The following ANO4 variants were observed in gnomAD, a reference collection of about 807,000 sequenced individuals.
The protein encoded by ANO4 is anoctamin 4, also known as anoctamin-4.
Under a neutral mutation model 141.9 loss-of-function variants are expected in ANO4, and 69 were observed. That is an observed-to-expected ratio of 0.49 (90% CI 0.40 to 0.59). ANO4 has a LOEUF of 0.59. ANO4 is among the 20% of genes least tolerant of loss of function. The pLI is 0.00. For missense variants in ANO4, 894 were observed against 1,162.2 expected (o/e 0.77, Z 3.36); for synonymous variants, 350 against 394.3 (o/e 0.89, Z 1.33).
Position 101,070,306 on chromosome 12 carries a change from C to A in ANO4, c.1313-8887C>A, listed in dbSNP as rs536895291. ...AGTAACCAAAAAGGCCAAGTACTAGCATAAAAAAACAGACATATAGACCAA... is the reference window on the plus strand; with the variant it reads ...AGTAACCAAAAAGGCCAAGTACTAGAATAAAAAAACAGACATATAGACCAA... On this transcript the variant is annotated intron_variant, in intron 14 of 27. Coordinates refer to ENST00000392977, the MANE Select transcript of ANO4 (RefSeq NM_001286615.2). Among the ~76,000 whole-genome samples the A allele has an allele frequency of 1.9e-4, 29 of 152,048 alleles. No individual in the cohort carries two copies. The South Asian group carries it at 5.6e-3, about 29-fold the overall frequency.
chr12:100,806,523 C>CTTTTTTTTTTTTTT lies in ANO4; in HGVS notation c.-141+11496_-141+11497insTTTTTTTTTTTTTT, dbSNP rs1593379234. On this transcript the variant is annotated intron_variant, in intron 1 of 27. Transcript: ENST00000392977. ...TTTTTAGGAGGTTTTTTTTTTGTTT[C>CTTTTTTTTTTTTTT]GTTTTTTTTTTTTTTTTTTTTTTTT... is the stretch of plus-strand genomic sequence containing the variant. Among the ~76,000 whole-genome samples, 227 of 44,968 alleles carry CTTTTTTTTTTTTTT rather than the reference C, an allele frequency of 5.0e-3. 66 individuals carry two copies. The highest frequency in any genetic ancestry group is 6.7e-3 in the South Asian group (7 of 1,050). The allele number at this position is 44,968 out of a possible 152,430, so 29.5% of individuals were successfully genotyped here.
intron 1 of ANO4, among the ~76,000 whole-genome samples, chr12:100,805,975 G>T (rs112741202): frequency 1.7e-4 from 26 of 152,218 alleles, no homozygotes; most frequent in African/African-American, 5.8e-4. Flanking sequence ...ATGAGAAAAG[G>T]AGCAACCTAA....
At chr12:100,817,123 A>G (rs767594969) in intron 1 of ANO4, among the ~76,000 whole-genome samples, 1 of 151,894 alleles carries the variant, frequency 6.6e-6, no homozygotes, top group Non-Finnish European at 1.5e-5. Context: ...AATGAGCAAT[A>G]TGATTAGGCA....
intron 3 of ANO4, among the ~76,000 whole-genome samples, chr12:100,765,972 T>G (rs1031368109): frequency 7.2e-5 from 11 of 152,082 alleles, no homozygotes; most frequent in African/African-American, 2.7e-4. Context: ...ATCTCCAAAA[T>G]TTATTCATCC....
intron 3 of ANO4, among the ~76,000 whole-genome samples, chr12:100,766,483 G>T (rs776978404): frequency 1.5e-4 from 23 of 151,880 alleles, no homozygotes; most frequent in Non-Finnish European, 2.8e-4. Flanking sequence ...TTTCCCTTTT[G>T]ATTTCTTCTT....
At position 100,987,559 on chromosome 12, in the gene ANO4, G is replaced by T. The variant is rs755195189; in HGVS notation, c.623G>T (p.Arg208Met). ...FMSRIDKQIS[R>M]FRRWLPKKPM... ...CACAGGATCGATAAACAAATAAGCA[G>T]GTTTCGGAGATGGTTACCTAAGAAG... Residue 208 changes from arginine (R) to methionine (M), a missense_variant, in exon 8 of 28, where the codon AGG becomes ATG. Arg to Met is a moderately conservative substitution (Grantham distance 91). This residue lies in a region of ANO4 where 257 missense variants were observed against 253.0 expected (regional missense o/e 1.02). Transcript: ENST00000392977. The T allele has an allele frequency of 1.2e-6, 2 of 1,613,850 alleles. No homozygotes were observed. Among genetic ancestry groups the T allele is most frequent in the African/African-American group, 2.7e-5 (2 of 74,894 alleles).
chr12:100,913,485 A>G (rs963614227), intron 2 of ANO4, among the ~76,000 whole-genome samples: 26 of 152,096 alleles, frequency 1.7e-4, no homozygotes, highest in African/African-American at 6.0e-4. Flanking sequence ...CTCTATCATT[A>G]TTGTTATAAT....
At chr12:101,003,671 A>G (rs775171341) in intron 8 of ANO4, among the ~76,000 whole-genome samples, 11 of 152,146 alleles carry the variant, frequency 7.2e-5, no homozygotes, top group Non-Finnish European at 1.3e-4. Flanking sequence ...TTTACACGTA[A>G]TTGCACATAT....
At chr12:100,902,505 A>G (rs907589187) in intron 2 of ANO4, among the ~76,000 whole-genome samples, 10 of 152,226 alleles carry the variant, frequency 6.6e-5, no homozygotes, top group African/African-American at 2.2e-4. Context: ...GACCAAGGCA[A>G]TGTTCCTGCA....
chr12:100,731,424 C>T (rs1213209270), intron 1 of ANO4, among the ~76,000 whole-genome samples: 1 of 152,186 alleles, frequency 6.6e-6, no homozygotes, highest in Non-Finnish European at 1.5e-5. Context: ...CCCAAACCCT[C>T]CTGTCCCCAC....
intron 5 of ANO4, among the ~76,000 whole-genome samples, chr12:100,956,598 G>A (rs899201544): frequency 2.0e-5 from 3 of 152,224 alleles, no homozygotes; most frequent in African/African-American, 7.2e-5. Flanking sequence ...CTTTTGGATT[G>A]TGTAGCAGTA....
intron 8 of ANO4, among the ~76,000 whole-genome samples, chr12:101,015,574 T>A (rs947481861): frequency 6.6e-6 from 1 of 152,238 alleles, no homozygotes; most frequent in Non-Finnish European, 1.5e-5. Context: ...TGAACATTGT[T>A]GTACATCTGT....
intron 7 of ANO4, among the ~76,000 whole-genome samples, chr12:100,983,868 G>A (rs2044592545): frequency 6.6e-6 from 1 of 152,156 alleles, no homozygotes; most frequent in South Asian, 2.1e-4. Context: ...CATATTCACA[G>A]GTTCTGGTGT....
intron 1 of ANO4, among the ~76,000 whole-genome samples, chr12:100,865,147 A>T (rs986246260): frequency 6.6e-6 from 1 of 152,218 alleles, no homozygotes; most frequent in Non-Finnish European, 1.5e-5. Flanking sequence ...GTACATACCC[A>T]GTAATGGGAT....
intron 3 of ANO4, among the ~76,000 whole-genome samples, chr12:100,750,909 G>A (rs988626423): frequency 3.3e-5 from 5 of 152,094 alleles, no homozygotes; most frequent in African/African-American, 1.2e-4. Context: ...AAGTTTCCTG[G>A]GGAGAGCAGT....
At chr12:100,717,339 G>A (rs1292338180), upstream of ANO4, among the ~76,000 whole-genome samples, 1 of 151,338 alleles carries the variant, frequency 6.6e-6, no homozygotes, top group Non-Finnish European at 1.5e-5. Flanking sequence ...CCCGGCCGGG[G>A]GCCCCCGCGC....
chr12:100,741,011 A>T (rs1164950738), intron 3 of ANO4, among the ~76,000 whole-genome samples: 3 of 152,250 alleles, frequency 2.0e-5, no homozygotes, highest in Non-Finnish European at 2.9e-5. Context: ...TGAGTTAAAC[A>T]GTCAGGGCAA....
intron 5 of ANO4, among the ~76,000 whole-genome samples, chr12:100,960,799 G>A (rs1566060316): frequency 6.6e-6 from 1 of 152,100 alleles, no homozygotes; most frequent in Non-Finnish European, 1.5e-5. Context: ...CTGTCAGTGG[G>A]TTGATGTTTT....
At chr12:101,063,090 A>G (rs549400847) in intron 14 of ANO4, among the ~76,000 whole-genome samples, 27 of 152,318 alleles carry the variant, frequency 1.8e-4, no homozygotes, top group Admixed American at 1.6e-3. Context: ...GCCAGAGTGC[A>G]CCATTCCTCA....
Sources: allele counts gnomAD v4.1 joint callset (sites outside exome capture counted in the v4.1 genomes callset), GRCh38; gene constraint gnomAD v4.1.1; regional missense constraint gnomAD v4.1.1; transcripts MANE v1.5; gene names NCBI Gene and HGNC (gene_info 2026-07-23, HGNC 2026-07-21).